LARGE1: variants seen among roughly 807,000 people sequenced by gnomAD.
LARGE1 encodes LARGE xylosyl- and glucuronyltransferase 1.
Under a neutral mutation model 87.6 loss-of-function variants are expected in LARGE1, and 43 were observed. The ratio of observed to expected loss-of-function variants is 0.49; its 90% CI spans 0.38 to 0.63. LARGE1 has a LOEUF of 0.63. Among genes scored for constraint, LARGE1 ranks in the 30% least tolerant of loss-of-function variants. LARGE1 has a pLI of 0.00. For missense variants in LARGE1, 802 were observed against 1,000.2 expected (o/e 0.80, Z 2.67); for synonymous variants, 434 against 394.6 (o/e 1.10, Z -1.18).
intron 1 of LARGE1, among the ~76,000 whole-genome samples, chr22:33,821,007 G>C (rs541014241): frequency 6.6e-6 from 1 of 152,272 alleles, no homozygotes; most frequent in African/African-American, 2.4e-5. Flanking sequence ...AGCTCCTTGA[G>C]GGCAGGAATC....
At chr22:33,573,066 A>T (rs2078253386) in intron 5 of LARGE1, among the ~76,000 whole-genome samples, 1 of 152,100 alleles carries the variant, frequency 6.6e-6, no homozygotes, top group Admixed American at 6.5e-5. Flanking sequence ...GATTGTGAAA[A>T]TTCTGGTGCT....
the LARGE1 span, among the ~76,000 whole-genome samples, chr22:33,097,521 C>A: frequency 6.6e-6 from 1 of 152,158 alleles, no homozygotes; most frequent in Non-Finnish European, 1.5e-5. Context: ...AAGAGACAAT[C>A]AAGTTTAATT....
chr22:33,379,823 C>T (rs903289717), intron 9 of LARGE1, among the ~76,000 whole-genome samples: 2 of 152,134 alleles, frequency 1.3e-5, no homozygotes, highest in Admixed American at 6.6e-5. Context: ...TACTCTAAGA[C>T]ACCTCATTAG....
chr22:33,273,449 T>C lies in LARGE1; in HGVS notation c.*978A>G. The C allele has an allele frequency of 2.5e-6, 1 of 398,660 alleles. No homozygotes were observed. The highest frequency in any genetic ancestry group is 4.4e-6 in the Non-Finnish European group (1 of 226,064). 24.7% of individuals were successfully genotyped at this position (398,660 alleles called of 1,614,324 possible). A position where few individuals can be genotyped will look rare whatever the true frequency, so the allele number is the denominator to read the frequency against. On this transcript the variant is annotated 3_prime_UTR_variant, in exon 15 of 15. Coordinates refer to ENST00000397394, the MANE Select transcript of LARGE1 (RefSeq NM_133642.5). ...AATTATGAAAGTTCTTCGAAAGGCC[T>C]GAGAGGTTCGTACCTTGTGTGTGCA...
chr22:33,577,479 C>T (rs2078388469), intron 5 of LARGE1, among the ~76,000 whole-genome samples: 1 of 152,246 alleles, frequency 6.6e-6, no homozygotes, highest in Non-Finnish European at 1.5e-5. Flanking sequence ...AGAAAACACA[C>T]TTCTCTGTTG....
At chr22:33,334,107 T>C (rs1217601573) in intron 10 of LARGE1, among the ~76,000 whole-genome samples, 3 of 140,128 alleles carry the variant, frequency 2.1e-5, no homozygotes, top group Middle Eastern at 0.01. Flanking sequence ...GGGGCGACAG[T>C]GCGAGATTCC....
At chr22:33,112,414 C>T in the LARGE1 span, among the ~76,000 whole-genome samples, 2 of 152,174 alleles carry the variant, frequency 1.3e-5, no homozygotes, top group African/African-American at 4.8e-5. Flanking sequence ...AATGCATATA[C>T]AGCGCATAGC....
intron 2 of LARGE1, among the ~76,000 whole-genome samples, chr22:33,684,861 C>T (rs922206046): frequency 3.9e-5 from 6 of 152,176 alleles, no homozygotes; most frequent in Non-Finnish European, 4.4e-5. Flanking sequence ...TCAACTTCTT[C>T]CCCCACTTTT....
chr22:33,602,040 C>T (rs2267238), intron 5 of LARGE1, among the ~76,000 whole-genome samples: 37,312 of 151,826 alleles, frequency 0.25, 5,061 homozygotes, highest in East Asian at 0.35. Flanking sequence ...GACTTCACAA[C>T]CGGCCACACC....
intron 2 of LARGE1, among the ~76,000 whole-genome samples, chr22:33,683,237 C>T (rs541497314): frequency 1.6e-4 from 25 of 152,218 alleles, no homozygotes; most frequent in South Asian, 1.0e-3. Flanking sequence ...CCCTCCCTAA[C>T]GGGGAGGGGC....
chr22:33,216,432 T>A (rs1194575754), intron 11 of LARGE1, among the ~76,000 whole-genome samples: 1 of 151,946 alleles, frequency 6.6e-6, no homozygotes, highest in African/African-American at 2.4e-5. Flanking sequence ...ATCGAGACCA[T>A]CCTGGCTAAC....
At chr22:33,162,279 G>C (rs533155083) in exon 12 of LARGE1, 1 of 152,216 alleles carries the variant, frequency 6.6e-6, no homozygotes, top group African/African-American at 2.4e-5. Context: ...GGCAGGCAAG[G>C]CCTCAGGAAA....
intron 11 of LARGE1, among the ~76,000 whole-genome samples, chr22:33,221,121 A>G (rs1925434617): frequency 6.6e-6 from 1 of 152,086 alleles, no homozygotes; most frequent in Non-Finnish European, 1.5e-5. Context: ...AAACTTATAA[A>G]ATTATAATGT....
chr22:33,836,045 C>T (rs1283556743), intron 1 of LARGE1, among the ~76,000 whole-genome samples: 1 of 152,216 alleles, frequency 6.6e-6, no homozygotes, highest in African/African-American at 2.4e-5. Context: ...CACAAACAAG[C>T]ACTTCTGGGG....
intron 2 of LARGE1, among the ~76,000 whole-genome samples, chr22:33,706,164 C>T (rs1386676912): frequency 1.3e-5 from 2 of 152,180 alleles, no homozygotes; most frequent in Non-Finnish European, 2.9e-5. Context: ...GGCTGTGTGT[C>T]GTTTGATCAG....
At chr22:33,589,692 A>T (rs993774488) in intron 5 of LARGE1, among the ~76,000 whole-genome samples, 6 of 152,236 alleles carry the variant, frequency 3.9e-5, no homozygotes, top group African/African-American at 9.6e-5. Flanking sequence ...TTGAATAATG[A>T]AAGAAGTGGA....
chr22:33,561,154 C>T (rs1386269671), intron 6 of LARGE1, among the ~76,000 whole-genome samples: 8 of 152,240 alleles, frequency 5.3e-5, no homozygotes, highest in African/African-American at 1.9e-4. Flanking sequence ...TGCCTAGAAC[C>T]TAAGACGTGC....
chr22:33,089,369 CT>C, the LARGE1 span, among the ~76,000 whole-genome samples: 7 of 58,116 alleles, frequency 1.2e-4, no homozygotes, highest in African/African-American at 5.9e-4. Flanking sequence ...TCTTCTTCTT[CT>C]CCTTCTTCTT....
the LARGE1 span, among the ~76,000 whole-genome samples, chr22:33,108,034 T>TTCC: frequency 1.3e-5 from 2 of 152,178 alleles, no homozygotes. Context: ...TAAAATGTAC[T>TTCC]ATATTATATA....
Sources: gnomAD v4.1 joint callset for allele counts (sites outside exome capture counted in the v4.1 genomes callset) on GRCh38, gnomAD v4.1.1 for gene constraint, MANE v1.5 for transcripts, NCBI Gene and HGNC (gene_info 2026-07-23, HGNC 2026-07-21) for gene names.